Variants in PPP2R5A observed in about 807,000 individuals in gnomAD.
PPP2R5A encodes serine/threonine-protein phosphatase 2A 56 kDa regulatory subunit alpha isoform.
In PPP2R5A, 25 loss-of-function variants were observed where a neutral mutation model predicts 64.2. That is an observed-to-expected ratio of 0.39 (90% CI 0.28 to 0.54). The LOEUF is 0.54. Among genes scored for constraint, PPP2R5A ranks in the 20% least tolerant of loss-of-function variants. PPP2R5A has a pLI of 0.67. For synonymous variants in PPP2R5A, 198 were observed against 201.2 expected, an observed-to-expected ratio of 0.98 and a Z score of 0.13; for missense variants, 425 against 576.3, an observed-to-expected ratio of 0.74 and a Z score of 2.69.
chr1:212,349,651 C>G (rs1207215721), intron 8 of PPP2R5A, among the ~76,000 whole-genome samples: 1 of 152,154 alleles, frequency 6.6e-6, no homozygotes, highest in Non-Finnish European at 1.5e-5. Context: ...TTTTGCCACT[C>G]ATTAACAATA....
intron 3 of PPP2R5A, among the ~76,000 whole-genome samples, chr1:212,339,357 A>G (rs757193987): frequency 3.3e-5 from 5 of 152,054 alleles, no homozygotes; most frequent in Non-Finnish European, 5.9e-5. Flanking sequence ...TTGTATTTTT[A>G]GTAGAGACGG....
intron 2 of PPP2R5A, among the ~76,000 whole-genome samples, chr1:212,330,686 T>C (rs1293245906): frequency 6.6e-6 from 1 of 152,168 alleles, no homozygotes; most frequent in African/African-American, 2.4e-5. Context: ...TTGCCTAATA[T>C]ATGTTCTTGG....
chr1:212,338,739 A>G (rs1659631564), intron 3 of PPP2R5A, among the ~76,000 whole-genome samples: 1 of 151,768 alleles, frequency 6.6e-6, no homozygotes, highest in Non-Finnish European at 1.5e-5. Context: ...GTGAGCCGAC[A>G]TTGCGCCATT....
intron 1 of PPP2R5A, among the ~76,000 whole-genome samples, chr1:212,320,503 C>T (rs996924864): frequency 2.0e-5 from 3 of 152,114 alleles, no homozygotes; most frequent in Admixed American, 2.0e-4. Flanking sequence ...AGGGGCTCCT[C>T]ACTTCCCAGT....
chr1:212,305,842 T>C (rs1571580081), intron 1 of PPP2R5A, among the ~76,000 whole-genome samples: 1 of 152,278 alleles, frequency 6.6e-6, no homozygotes, highest in East Asian at 1.9e-4. Context: ...TATATAATGA[T>C]ATTTATATCT....
intron 1 of PPP2R5A, among the ~76,000 whole-genome samples, chr1:212,292,196 G>A (rs898238912): frequency 3.9e-5 from 6 of 152,210 alleles, no homozygotes; most frequent in Admixed American, 1.3e-4. Flanking sequence ...AGGCAGGGCA[G>A]TGAGAACTCA....
chr1:212,339,759 T>A (rs1380926309), intron 3 of PPP2R5A, among the ~76,000 whole-genome samples: 1 of 152,106 alleles, frequency 6.6e-6, no homozygotes, highest in African/African-American at 2.4e-5. Context: ...AAGTCTCCCA[T>A]AGGACAGGCT....
chr1:212,309,543 C>T, intron 1 of PPP2R5A: 1 of 735,158 alleles, frequency 1.4e-6, no homozygotes, highest in South Asian at 1.4e-5. Context: ...TTCTTTACTT[C>T]TTTAATCATA....
intron 4 of PPP2R5A, among the ~76,000 whole-genome samples, chr1:212,343,318 T>A (rs963213299): frequency 2.0e-5 from 3 of 152,196 alleles, no homozygotes; most frequent in African/African-American, 7.2e-5. Flanking sequence ...GACCAAACCT[T>A]TCTAGGCATT....
intron 3 of PPP2R5A, among the ~76,000 whole-genome samples, chr1:212,341,941 G>A (rs1659692658): frequency 6.6e-6 from 1 of 152,090 alleles, no homozygotes. Context: ...GTCTCACCAT[G>A]TTGTCCAGGG....
chr1:212,292,762 G>A (rs938362412), intron 1 of PPP2R5A, among the ~76,000 whole-genome samples: 2 of 152,072 alleles, frequency 1.3e-5, no homozygotes, highest in Non-Finnish European at 2.9e-5. Context: ...ACAAGTTCTC[G>A]CTATGTTGTC....
chr1:212,306,503 A>G (rs1658906696), intron 1 of PPP2R5A, among the ~76,000 whole-genome samples: 1 of 152,138 alleles, frequency 6.6e-6, no homozygotes, highest in South Asian at 2.1e-4. Flanking sequence ...ATATGAGACA[A>G]AAGTTTTCTG....
At chr1:212,334,210 T>C (rs1216026032) in intron 3 of PPP2R5A, among the ~76,000 whole-genome samples, 1 of 152,248 alleles carries the variant, frequency 6.6e-6, no homozygotes, top group East Asian at 1.9e-4. Flanking sequence ...CATTTGGCTA[T>C]TGTGAATAGA....
intron 4 of PPP2R5A, among the ~76,000 whole-genome samples, chr1:212,344,566 A>G (rs1189680606): frequency 6.6e-6 from 1 of 152,222 alleles, no homozygotes. Context: ...TAAACACGAA[A>G]GTTCAGAACA....
intron 1 of PPP2R5A, among the ~76,000 whole-genome samples, chr1:212,328,528 T>C (rs1659446137): frequency 6.6e-6 from 1 of 152,210 alleles, no homozygotes; most frequent in Non-Finnish European, 1.5e-5. Context: ...AGCTGTACTT[T>C]GTATACAGCC....
chr1:212,306,054 G>T (rs549485460), intron 1 of PPP2R5A, among the ~76,000 whole-genome samples: 55 of 152,284 alleles, frequency 3.6e-4, no homozygotes, highest in African/African-American at 1.3e-3. Flanking sequence ...GAACAAAGGG[G>T]CACGAGAGCC....
At chr1:212,298,921 G>C (rs564427288) in intron 1 of PPP2R5A, among the ~76,000 whole-genome samples, 1 of 19,204 alleles carries the variant, frequency 5.2e-5, no homozygotes, top group Non-Finnish European at 9.7e-5. Flanking sequence ...CTGGCCGGGC[G>C]GGGGGTTGAC....
At chr1:212,333,470 G>C in intron 2 of PPP2R5A, 27 bp from the exon 3 acceptor site, 1 of 1,389,422 alleles carries the variant, frequency 7.2e-7, no homozygotes, top group Middle Eastern at 1.8e-4. Flanking sequence ...ATACAACAAC[G>C]AACGTAAAAT....
At position 212,358,824 on chromosome 1, in the gene PPP2R5A, T is replaced by C. The variant is rs1660030153; in HGVS notation, c.1328+37T>C. The C allele has an allele frequency of 2.0e-6, 3 of 1,522,300 alleles. No individual in the cohort carries two copies. In the South Asian group the frequency reaches 3.4e-5, roughly 17 times the overall value. 94.3% of individuals were successfully genotyped at this position (1,522,300 alleles called of 1,614,324 possible). A position where few individuals can be genotyped will look rare whatever the true frequency, so the allele number is the denominator to read the frequency against. Reference sequence around the variant, plus strand: ...TTTGAATTACAAAATTATCTATACATTTTATGTTAGTTGAATGTGATTCAG... The same window carrying C: ...TTTGAATTACAAAATTATCTATACACTTTATGTTAGTTGAATGTGATTCAG... On this transcript the variant is annotated intron_variant, in intron 12 of 12. Coordinates refer to ENST00000261461, the MANE Select transcript of PPP2R5A (RefSeq NM_006243.4).
Sources: gnomAD v4.1 joint callset for allele counts (sites outside exome capture counted in the v4.1 genomes callset) on GRCh38, gnomAD v4.1.1 for gene constraint, MANE v1.5 for transcripts, NCBI Gene and HGNC (gene_info 2026-07-23, HGNC 2026-07-21) for gene names.